Variants in PLCG2 observed in about 807,000 individuals in gnomAD.
PLCG2 encodes 1-phosphatidylinositol 4,5-bisphosphate phosphodiesterase gamma-2.
Under a neutral mutation model 175.6 loss-of-function variants are expected in PLCG2, and 69 were observed. The observed-to-expected ratio is 0.39, with a 90% CI of 0.32 to 0.48. The LOEUF is 0.48. Ranked by LOEUF, PLCG2 falls within the 20% of genes least tolerant of loss-of-function variation. The pLI is 0.91. For synonymous variants in PLCG2, 827 were observed against 624.0 expected, an observed-to-expected ratio of 1.33 and a Z score of -4.85; for missense variants, 1,798 against 1,650.9, an observed-to-expected ratio of 1.09 and a Z score of -1.54.
intron 7 of PLCG2, among the ~76,000 whole-genome samples, chr16:81,879,490 C>G (rs1004507927): frequency 1.3e-5 from 2 of 152,114 alleles, no homozygotes; most frequent in African/African-American, 2.4e-5. Context: ...AAACACACAC[C>G]CACACAAACT....
At chr16:81,824,091 GTCCTT>G (rs1567483221) in intron 2 of PLCG2, among the ~76,000 whole-genome samples, 3 of 81,646 alleles carry the variant, frequency 3.7e-5, no homozygotes, top group Non-Finnish European at 7.0e-5. Flanking sequence ...GTCCTGTCCT[GTCCTT>G]TCCTTTCTTT....
intron 6 of PLCG2, among the ~76,000 whole-genome samples, chr16:81,870,401 A>C: frequency 6.6e-6 from 1 of 152,218 alleles, no homozygotes; most frequent in Non-Finnish European, 1.5e-5. Context: ...ATGCTTTACA[A>C]AATGACCTAT....
chr16:81,877,298 CA>C (rs202065168), intron 7 of PLCG2, among the ~76,000 whole-genome samples: 1 of 152,006 alleles, frequency 6.6e-6, no homozygotes, highest in South Asian at 2.1e-4. Context: ...ACTAAAAATA[CA>C]AAAAAAATTA....
chr16:81,751,915 G>A lies in PLCG2; in HGVS notation c.-144-3955G>A, dbSNP rs180883710. Among the ~76,000 whole-genome samples, 4 of 150,978 alleles carry A rather than the reference G, an allele frequency of 2.6e-5. No homozygotes were observed. In the East Asian group the frequency reaches 7.7e-4, roughly 29 times the overall value. ...CAGGCGTCTGTAATCTTAGCTACTC[G>A]GGAGGCTGAGGTGGGAGATTTGCTT... On this transcript the variant is annotated intron_variant, in intron 1 of 5. Transcript: ENST00000565054.
chr16:81,770,725 A>G (rs1202883419), intron 2 of PLCG2, among the ~76,000 whole-genome samples: 1 of 152,066 alleles, frequency 6.6e-6, no homozygotes, highest in Non-Finnish European at 1.5e-5. Flanking sequence ...GTATCAAAAT[A>G]ATAATACTAA....
chr16:81,945,362 T>C (rs878896564), intron 30 of PLCG2, among the ~76,000 whole-genome samples: 4 of 152,220 alleles, frequency 2.6e-5, no homozygotes, highest in African/African-American at 7.2e-5. Flanking sequence ...TGAGATACAA[T>C]GCTAACTGGG....
At chr16:81,766,883 C>G (rs920569561) in intron 2 of PLCG2, 10 of 152,222 alleles carry the variant, frequency 6.6e-5, no homozygotes, top group Non-Finnish European at 1.5e-4. Flanking sequence ...TCCCTACAGC[C>G]CACAGAAGAT....
chr16:81,778,062 A>AC (rs1910519465), upstream of PLCG2, among the ~76,000 whole-genome samples: 2 of 112,990 alleles, frequency 1.8e-5, no homozygotes, highest in African/African-American at 7.9e-5. Context: ...AAACAAAAAA[A>AC]ACCAAAAACA....
intron 18 of PLCG2, 50 bp downstream of exon 18, chr16:81,910,770 C>T: frequency 1.9e-6 from 3 of 1,544,360 alleles, no homozygotes; most frequent in East Asian, 4.5e-5. Flanking sequence ...GGGTTAGCTC[C>T]ACCAGGCAGA....
At chr16:81,908,819 A>C (rs1467634367) in intron 17 of PLCG2, among the ~76,000 whole-genome samples, 1 of 152,188 alleles carries the variant, frequency 6.6e-6, no homozygotes, top group African/African-American at 2.4e-5. Context: ...AAAAATCAAA[A>C]GTAATGCAAA....
intron 3 of PLCG2, among the ~76,000 whole-genome samples, chr16:81,856,348 C>T (rs1906680208): frequency 6.6e-6 from 1 of 151,918 alleles, no homozygotes; most frequent in African/African-American, 2.4e-5. Context: ...GGTTAAGTAA[C>T]CTCCTGAATG....
At chr16:81,947,926 T>A (rs992627251) in intron 31 of PLCG2, among the ~76,000 whole-genome samples, 1 of 152,204 alleles carries the variant, frequency 6.6e-6, no homozygotes, top group African/African-American at 2.4e-5. Flanking sequence ...TTTTTGTATA[T>A]GATATTTCCA....
intron 2 of PLCG2, among the ~76,000 whole-genome samples, chr16:81,844,847 C>T (rs1906029536): frequency 6.6e-6 from 1 of 152,248 alleles, no homozygotes; most frequent in South Asian, 2.1e-4. Flanking sequence ...CTCCTATTTA[C>T]ACAGGTCATC....
chr16:81,792,127 C>G (rs955433704), intron 2 of PLCG2, among the ~76,000 whole-genome samples: 1 of 152,176 alleles, frequency 6.6e-6, no homozygotes, highest in Non-Finnish European at 1.5e-5. Flanking sequence ...CTCTGAATCC[C>G]AATTTATGAT....
chr16:81,870,729 T>C, intron 6 of PLCG2, 123 bp from the exon 7 acceptor site: 1 of 545,860 alleles, frequency 1.8e-6, no homozygotes, highest in Non-Finnish European at 3.2e-6. Context: ...GTCATAGCTG[T>C]CTCTTCAGCA....
In PLCG2 at chr16:81,862,612, G is replaced by A. The variant is rs112011952; in HGVS notation, c.479+3449G>A. On this transcript the variant is annotated intron_variant, in intron 5 of 32. Coordinates refer to ENST00000564138, the MANE Select transcript of PLCG2 (RefSeq NM_002661.5). Reference sequence around the variant, plus strand: ...TGGCCGAGCATGGTGGCTGACACCTGTAATCCTAACAGTTTGGGAGGCCAA... The same window carrying A: ...TGGCCGAGCATGGTGGCTGACACCTATAATCCTAACAGTTTGGGAGGCCAA... Among the ~76,000 whole-genome samples, 10 of 152,244 alleles carry A rather than the reference G, an allele frequency of 6.6e-5. 1 individual carries two copies. The highest frequency in any genetic ancestry group is 1.9e-4 in the African/African-American group (8 of 41,548).
chr16:81,833,661 C>T (rs1030845039), intron 2 of PLCG2, among the ~76,000 whole-genome samples: 1 of 151,876 alleles, frequency 6.6e-6, no homozygotes, highest in Non-Finnish European at 1.5e-5. Context: ...TCCTGAGTAG[C>T]TGGGACCACA....
In PLCG2 at chr16:81,852,911, T is replaced by G. The variant is rs561174653; in HGVS notation, c.194-1533T>G. Among the ~76,000 whole-genome samples, 16 of 152,228 alleles carry G rather than the reference T, an allele frequency of 1.1e-4. No individual in the cohort carries two copies. In the East Asian group the frequency reaches 1.5e-3, roughly 15 times the overall value. Reference sequence around the variant, plus strand: ...GTTGGCTGAGGGCATTGATTCTTCTTCCATGGCCTCTCCATAGGGCTAACT... The same window carrying G: ...GTTGGCTGAGGGCATTGATTCTTCTGCCATGGCCTCTCCATAGGGCTAACT... On this transcript the variant is annotated intron_variant, in intron 2 of 32. Coordinates refer to ENST00000564138, the MANE Select transcript of PLCG2 (RefSeq NM_002661.5).
intron 2 of PLCG2, among the ~76,000 whole-genome samples, chr16:81,805,623 C>G (rs150720490): frequency 1.3e-5 from 2 of 151,890 alleles, no homozygotes; most frequent in African/African-American, 2.4e-5. Context: ...GCCTCACACC[C>G]CCTTCCCCCA....
Sources: allele counts gnomAD v4.1 joint callset (sites outside exome capture counted in the v4.1 genomes callset), GRCh38; gene constraint gnomAD v4.1.1; transcripts MANE v1.5; gene names NCBI Gene and HGNC (gene_info 2026-07-23, HGNC 2026-07-21).